The following C2orf76 variants were observed in gnomAD, a reference collection of about 807,000 sequenced individuals.
The protein encoded by C2orf76 is UPF0538 protein C2orf76.
Under a neutral mutation model 16.9 loss-of-function variants are expected in C2orf76, and 23 were observed. The observed-to-expected ratio is 1.36, with a 90% CI of 0.98 to 1.93. C2orf76 has a LOEUF of 1.93. C2orf76 is among the 30% of genes most tolerant of loss of function. The pLI, the probability that C2orf76 is intolerant of heterozygous loss-of-function variation, is 0.00. For missense variants in C2orf76, 152 were observed against 152.6 expected (o/e 1.00, Z 0.02); for synonymous variants, 48 against 52.3 (o/e 0.92, Z 0.35).
At chr2:119,334,932 TCCCATGGGGATACACTGCTATAC>T (rs1158351254) in intron 2 of C2orf76, among the ~76,000 whole-genome samples, 1 of 152,112 alleles carries the variant, frequency 6.6e-6, no homozygotes, top group East Asian at 1.9e-4. Context: ...TCAAGTTGCT[TCCCATGGGGATACACTGCTATAC>T]CTGTATGCTA....
At chr2:119,332,608 C>G (rs531840014) in intron 2 of C2orf76, among the ~76,000 whole-genome samples, 3 of 152,252 alleles carry the variant, frequency 2.0e-5, no homozygotes, top group East Asian at 1.9e-4. Context: ...GCCTTTCTAT[C>G]TTTTGCCAGT....
Position 119,311,702 on chromosome 2 carries a change from G to C in C2orf76, c.224C>G (p.Thr75Arg). 6.3e-7 allele frequency: 1 copy of C among 1,587,534 alleles called. No individual in the cohort carries two copies. Among genetic ancestry groups the C allele is most frequent in the African/African-American group, 1.5e-5 (1 of 64,730 alleles). Residue 75 changes from threonine (T) to arginine (R), a missense_variant and splice_region_variant, in exon 5 of 6, where the codon ACA (threonine) becomes AGA (arginine). Coordinates refer to ENST00000334816, the MANE Select transcript of C2orf76 (RefSeq NM_001322331.2). ...KIIHQAHKSK[T>R]NELVLSLEDD... ...TTCCAAACTCAACACAAGTTCATTT[G>C]TCTAAAAAAAAAAAAGAAAATCTGC...
chr2:119,354,069 C>T (rs1680489861), intron 1 of C2orf76, among the ~76,000 whole-genome samples: 1 of 152,168 alleles, frequency 6.6e-6, no homozygotes, highest in African/African-American at 2.4e-5. Context: ...ACACTAAATA[C>T]CCTGATTTGC....
At chr2:119,288,346 C>T in the C2orf76 span, among the ~76,000 whole-genome samples, 3 of 151,728 alleles carry the variant, frequency 2.0e-5, no homozygotes, top group Admixed American at 6.6e-5. Context: ...TTAGTAGAGA[C>T]GGGGTTTCAC....
At chr2:119,318,475 C>A (rs527388248) in intron 3 of C2orf76, among the ~76,000 whole-genome samples, 8 of 152,068 alleles carry the variant, frequency 5.3e-5, no homozygotes, top group African/African-American at 1.9e-4. Context: ...TAGATAAGAA[C>A]TAGCACTCTG....
intron 2 of C2orf76, among the ~76,000 whole-genome samples, chr2:119,333,969 T>C (rs547872461): frequency 6.6e-6 from 1 of 152,290 alleles, no homozygotes; most frequent in East Asian, 1.9e-4. Context: ...TTTTTCTTTT[T>C]TTTTGTACAG....
chr2:119,344,877 A>C (rs1680149357), intron 1 of C2orf76, among the ~76,000 whole-genome samples: 1 of 152,174 alleles, frequency 6.6e-6, no homozygotes, highest in African/African-American at 2.4e-5. Context: ...ATTATAGAAA[A>C]TTTAATATAA....
intron 1 of C2orf76, 87 bp from the exon 2 acceptor site, chr2:119,340,058 G>A (rs1558790646): frequency 7.0e-7 from 1 of 1,421,838 alleles, no homozygotes; most frequent in Non-Finnish European, 9.7e-7. Flanking sequence ...TCAGCTCTCT[G>A]GCACCAGCCC....
At position 119,312,879 on chromosome 2, in the gene C2orf76, T is replaced by A. The variant is rs551985849; in HGVS notation, c.223-1176A>T. On this transcript the variant is annotated intron_variant, in intron 4 of 5. Transcript: ENST00000334816. ...CGTCTCTATTAAAAATACAAAAAAA[T>A]TAGCCGGGAGCGGTGGCAGGTGCCT... Among the ~76,000 whole-genome samples the A allele has an allele frequency of 9.2e-5, 14 of 152,022 alleles. 1 individual carries two copies. In the East Asian group the frequency reaches 2.7e-3, roughly 29 times the overall value.
At chr2:119,318,832 T>C (rs1304845488) in intron 3 of C2orf76, among the ~76,000 whole-genome samples, 1 of 152,122 alleles carries the variant, frequency 6.6e-6, no homozygotes, top group Non-Finnish European at 1.5e-5. Flanking sequence ...GCCTTGTAAT[T>C]TTTTATACAA....
intron 5 of C2orf76, among the ~76,000 whole-genome samples, chr2:119,306,663 A>G (rs1678795963): frequency 6.6e-6 from 1 of 152,190 alleles, no homozygotes; most frequent in South Asian, 2.1e-4. Context: ...ACTTAGGGGA[A>G]TTAGCCCATA....
At chr2:119,322,852 G>C (rs1573639598) in intron 2 of C2orf76, among the ~76,000 whole-genome samples, 3 of 151,670 alleles carry the variant, frequency 2.0e-5, no homozygotes, top group South Asian at 2.1e-4. Flanking sequence ...TTGCTGAGTG[G>C]GGGGTGGGGA....
the C2orf76 span, among the ~76,000 whole-genome samples, chr2:119,284,992 G>A: frequency 6.6e-6 from 1 of 152,182 alleles, no homozygotes; most frequent in Non-Finnish European, 1.5e-5. Context: ...TGTAATATCT[G>A]TGTTCCAGGA....
At chr2:119,316,668 CA>C (rs1406153604) in intron 4 of C2orf76, among the ~76,000 whole-genome samples, 1 of 152,046 alleles carries the variant, frequency 6.6e-6, no homozygotes, top group Non-Finnish European at 1.5e-5. Flanking sequence ...ATACTTCATT[CA>C]AAAATTGTTA....
At chr2:119,285,019 A>G in the C2orf76 span, among the ~76,000 whole-genome samples, 1 of 152,196 alleles carries the variant, frequency 6.6e-6, no homozygotes, top group Non-Finnish European at 1.5e-5. Context: ...CGGAGATCAG[A>G]GGAGGTCATC....
the C2orf76 span, among the ~76,000 whole-genome samples, chr2:119,286,622 G>A: frequency 4.9e-3 from 751 of 152,234 alleles, 5 homozygotes; most frequent in Middle Eastern, 0.024. Flanking sequence ...CTCGTGATTC[G>A]GAAGGAAACA....
chr2:119,296,308 C>G, the C2orf76 span, among the ~76,000 whole-genome samples: 1 of 152,168 alleles, frequency 6.6e-6, no homozygotes, highest in Non-Finnish European at 1.5e-5. Flanking sequence ...ATTAGCTTTG[C>G]TACTCTGAGC....
intron 2 of C2orf76, among the ~76,000 whole-genome samples, chr2:119,336,296 G>A (rs1232739564): frequency 6.6e-6 from 1 of 152,142 alleles, no homozygotes; most frequent in African/African-American, 2.4e-5. Flanking sequence ...AGGAGGCTGA[G>A]GCAGGAGAAT....
intron 1 of C2orf76, among the ~76,000 whole-genome samples, chr2:119,355,142 T>C (rs1166150287): frequency 1.3e-5 from 2 of 152,234 alleles, no homozygotes; most frequent in African/African-American, 4.8e-5. Context: ...GGTTGGAGAC[T>C]TAACCATTTA....
Sources: gnomAD v4.1 joint callset for allele counts (sites outside exome capture counted in the v4.1 genomes callset) on GRCh38, gnomAD v4.1.1 for gene constraint, MANE v1.5 for transcripts, NCBI Gene and HGNC (gene_info 2026-07-23, HGNC 2026-07-21) for gene names.